C1S: variants seen among roughly 807,000 people sequenced by gnomAD.
The protein encoded by C1S is complement C1s subcomponent.
Under a neutral mutation model 54.0 loss-of-function variants are expected in C1S, and 31 were observed. The ratio of observed to expected loss-of-function variants is 0.57; its 90% CI spans 0.43 to 0.78. The LOEUF is 0.78. C1S is among the 30% of genes least tolerant of loss of function. The pLI is 0.00. For missense variants in C1S, 727 were observed against 851.8 expected (o/e 0.85, Z 1.82); for synonymous variants, 292 against 303.6 (o/e 0.96, Z 0.40).
intron 9 of C1S, 55 bp from the exon 10 acceptor site, chr12:7,067,588 C>G: frequency 6.2e-7 from 1 of 1,608,444 alleles, no homozygotes; most frequent in Non-Finnish European, 8.5e-7. Context: ...CCCCATGACT[C>G]TTCCTTGGAG....
rs1242395660 is a variant in C1S at position 7,061,679 on chromosome 12, T to G, written c.-74-160T>G. 62 of 631,004 alleles carry G rather than the reference T, an allele frequency of 9.8e-5. No homozygotes were observed. In the Admixed American group the frequency reaches 1.1e-3, roughly 12 times the overall value. The allele number at this position is 631,004 out of a possible 1,614,324, so 39.1% of individuals were successfully genotyped here. A position where few individuals can be genotyped will look rare whatever the true frequency, so the allele number is the denominator to read the frequency against. On this transcript the variant is annotated intron_variant, in intron 1 of 11. Transcript: ENST00000360817. The stretch of plus-strand genomic sequence containing the variant: ...GTCTAGAAAGTTAGTCGAAGTTAAC[T>G]AGGGAGGGTGTGAGGGGCACGGTGC...
In C1S at chr12:7,066,901, T is replaced by A. The variant is rs1194091293; in HGVS notation, c.988-138T>A. ...CTGTCAGCCTCATCTCCTGGGTGCT[T>A]TAGGTCTGCTAAGATGTTCCCAAGC... is the stretch of plus-strand genomic sequence containing the variant. On this transcript the variant is annotated intron_variant, in intron 8 of 11. Transcript: ENST00000360817. The A allele has an allele frequency of 5.4e-6, 4 of 742,054 alleles. No individual in the cohort carries two copies. The African/African-American group carries it at 6.9e-5, about 13-fold the overall frequency. The allele number at this position is 742,054 out of a possible 1,614,324, so 46.0% of individuals were successfully genotyped here. A position where few individuals can be genotyped will look rare whatever the true frequency, so the allele number is the denominator to read the frequency against.
chr12:7,069,521 A>G (rs1295725559), intron 11 of C1S, among the ~76,000 whole-genome samples: 1 of 152,182 alleles, frequency 6.6e-6, no homozygotes, highest in African/African-American at 2.4e-5. Flanking sequence ...TCATGTGCCG[A>G]GTTGGGAGGT....
chr12:7,063,382 G>T (rs1947125566), intron 4 of C1S: 1 of 482,854 alleles, frequency 2.1e-6, no homozygotes, highest in Non-Finnish European at 4.1e-6. Flanking sequence ...ATCCTTCAAG[G>T]TAGGTATTAT....
intron 4 of C1S, 59 bp from the exon 5 acceptor site, chr12:7,064,208 A>T: frequency 6.3e-7 from 1 of 1,592,806 alleles, no homozygotes; most frequent in Non-Finnish European, 8.6e-7. Flanking sequence ...TTTGGATTTA[A>T]CCTCATTCTC....
At position 7,068,549 on chromosome 12, in the gene C1S, T is replaced by C. The variant is rs782422795; in HGVS notation, c.1270+19T>C. ...GTTCCAGGTAAGGAGGGCTGAGGCT[T>C]GGGGAGAGATGATAGCCATGGGTGA... On this transcript the variant is annotated intron_variant, in intron 11 of 11. Transcript: ENST00000360817. 3 of 1,572,808 alleles carry C rather than the reference T, an allele frequency of 1.9e-6. No individual in the cohort carries two copies. Among genetic ancestry groups the C allele is most frequent in the Non-Finnish European group, 2.6e-6 (3 of 1,142,748 alleles).
At chr12:7,065,601 C>G in intron 6 of C1S, 1 of 622,636 alleles carries the variant, frequency 1.6e-6, no homozygotes, top group Non-Finnish European at 2.8e-6. Context: ...AACTCCTAGC[C>G]TCAAGCAATG....
chr12:7,070,552 G>T lies in C1S; in HGVS notation c.1968G>T (p.Gly656=), dbSNP rs782316843. 1 of 1,613,622 alleles carries T rather than the reference G, an allele frequency of 6.2e-7. No homozygotes were observed. The highest frequency in any genetic ancestry group is 1.3e-5 in the African/African-American group (1 of 74,834). Residue 656 remains glycine (G), a synonymous_variant, in exon 12 of 12, where the codon GGG becomes GGT. Transcript: ENST00000360817. This position sits in a 1 kb window ranked among gnomAD's most constrained non-coding sequence, Gnocchi z 4.9. ...KFYAAGLVSW[G]PQCGTYGLYT... ...ACGCAGCTGGCCTGGTGTCCTGGGG[G>T]CCCCAGTGTGGGACCTATGGGCTCT...
rs1180076235 is a variant in C1S at position 7,067,762 on chromosome 12, G to A, written c.1186G>A (p.Gly396Arg). ...CEEPYYYMEN[G>R]GGGEYHCAGN... Reference sequence around the variant, plus strand: ...GGAGCCATATTACTACATGGAAAATGGAGGAGGTGGTAGGTTTCTTCTACT... The same window carrying A: ...GGAGCCATATTACTACATGGAAAATAGAGGAGGTGGTAGGTTTCTTCTACT... The change falls in exon 10 of 12, where the codon GGA (glycine) becomes AGA (arginine). Residue 396 changes from glycine to arginine, a missense_variant. Gly to Arg is a moderately radical substitution (Grantham distance 125, BLOSUM62 -2). Transcript: ENST00000360817. 1 of 1,613,876 alleles carries A rather than the reference G, an allele frequency of 6.2e-7. No individual in the cohort carries two copies. The highest frequency in any genetic ancestry group is 8.5e-7 in the Non-Finnish European group (1 of 1,179,858).
intron 5 of C1S, 90 bp downstream of exon 5, chr12:7,064,482 A>T: frequency 7.2e-7 from 1 of 1,392,082 alleles, no homozygotes. Context: ...TCCAACTTCG[A>T]TTAGGCCAAG....
Position 7,069,721 on chromosome 12 carries a change from A to G in C1S, c.1271-134A>G. The stretch of plus-strand genomic sequence containing the variant: ...AGTGGGTCAGGTATTGAGATTGTTG[A>G]CCAAATAGGGTTGACTATTTTGTAC... On this transcript the variant is annotated intron_variant, in intron 11 of 11. Coordinates refer to ENST00000360817, the MANE Select transcript of C1S (RefSeq NM_001734.5). 3 of 831,334 alleles carry G rather than the reference A, an allele frequency of 3.6e-6. No individual in the cohort carries two copies. In the South Asian group the frequency reaches 4.1e-5, roughly 11 times the overall value. The allele number at this position is 831,334 out of a possible 1,614,324, so 51.5% of individuals were successfully genotyped here.
At chr12:7,066,233 A>G in intron 7 of C1S, 3 of 609,222 alleles carry the variant, frequency 4.9e-6, no homozygotes, top group Non-Finnish European at 8.7e-6. Context: ...TTCTGATAGA[A>G]TCCTGAGATA....
intron 9 of C1S, chr12:7,067,415 C>T: frequency 4.4e-6 from 3 of 684,022 alleles, no homozygotes; most frequent in Non-Finnish European, 7.9e-6. Flanking sequence ...GAACCAGGCT[C>T]TTCACTACGG....
chr12:7,064,242 C>A, intron 4 of C1S, 25 bp from the exon 5 acceptor site: 1 of 1,613,568 alleles, frequency 6.2e-7, no homozygotes, highest in Non-Finnish European at 8.5e-7. Flanking sequence ...TGTTCTTGAC[C>A]TCAGCCTCTT....
At chr12:7,063,204 A>G (rs879962569) in intron 4 of C1S, 137 bp downstream of exon 4, 6 of 781,254 alleles carry the variant, frequency 7.7e-6, no homozygotes, top group African/African-American at 1.7e-5. Flanking sequence ...GGGTCGCTCC[A>G]TAAATCACTT....
At chr12:7,063,259 T>C in intron 4 of C1S, 192 bp downstream of exon 4, 1 of 611,594 alleles carries the variant, frequency 1.6e-6, no homozygotes, top group Non-Finnish European at 2.9e-6. Flanking sequence ...GTGATGATGA[T>C]CATGGTAATA....
At position 7,066,559 on chromosome 12, in the gene C1S, G is replaced by A. The variant is rs1162473789; in HGVS notation, c.913G>A (p.Glu305Lys). Residue 305 changes from glutamate to lysine, a missense_variant, in exon 8 of 12, where the codon GAG becomes AAG. Glu to Lys is a moderately conservative substitution (Grantham distance 56). Around this residue, in one of 3 missense-constraint regions of C1S, gnomAD observed 10 missense variants for 32.8 expected, o/e 0.30. Transcript: ENST00000360817. ...PKEDTPNSVW[E>K]PAKAKYVFRD... ...GGAAGACACTCCCAATTCTGTTTGG[G>A]AGCCTGCGAAGGCAAAATATGTCTT... 1 of 1,613,784 alleles carries A rather than the reference G, an allele frequency of 6.2e-7. No individual in the cohort carries two copies. Among genetic ancestry groups the A allele is most frequent in the African/African-American group, 1.3e-5 (1 of 74,926 alleles).
At chr12:7,066,211 GA>G in intron 7 of C1S, 1 of 609,582 alleles carries the variant, frequency 1.6e-6, no homozygotes, top group Non-Finnish European at 2.9e-6. Context: ...TTAAAAAACA[GA>G]TAGATTGTTG....
At chr12:7,067,400 A>C (rs1937696798) in intron 9 of C1S, 3 of 653,362 alleles carry the variant, frequency 4.6e-6, no homozygotes, top group Non-Finnish European at 8.2e-6. Context: ...TTCACCAACC[A>C]CTGAGAACCA....
Sources: gnomAD v4.1 joint callset for allele counts (sites outside exome capture counted in the v4.1 genomes callset) on GRCh38, gnomAD v4.1.1 for gene constraint, gnomAD v4.1.1 regional missense constraint, Gnocchi (gnomAD v3.1) non-coding constraint, MANE v1.5 for transcripts, NCBI Gene and HGNC (gene_info 2026-07-23, HGNC 2026-07-21) for gene names.